MTX2: variants seen among roughly 807,000 people sequenced by gnomAD.
The protein encoded by MTX2 is metaxin 2, also known as metaxin-2.
A neutral mutation model predicts 42.3 loss-of-function variants in MTX2; 35 were observed. The observed-to-expected ratio is 0.83, with a 90% CI of 0.63 to 1.10. MTX2 has a LOEUF of 1.10. MTX2 is among the 50% of genes least tolerant of loss of function. MTX2 has a pLI of 0.00. For missense variants in MTX2, 307 were observed against 304.1 expected (o/e 1.01, Z -0.07); for synonymous variants, 119 against 100.9 (o/e 1.18, Z -1.08).
At chr2:176,274,570 A>G (rs974595306) in intron 1 of MTX2, among the ~76,000 whole-genome samples, 1 of 152,148 alleles carries the variant, frequency 6.6e-6, no homozygotes, top group Non-Finnish European at 1.5e-5. Context: ...ACATGCATGT[A>G]TGTGCATACA....
At chr2:176,304,336 A>G (rs1371421484) in intron 3 of MTX2, 2 of 154,192 alleles carry the variant, frequency 1.3e-5, no homozygotes, top group Non-Finnish European at 2.9e-5. Flanking sequence ...TGGAAAATGA[A>G]CCTGGCTTTG....
chr2:176,312,563 C>G (rs1684340188), intron 3 of MTX2, among the ~76,000 whole-genome samples: 1 of 151,952 alleles, frequency 6.6e-6, no homozygotes, highest in South Asian at 2.1e-4. Context: ...ATTCACTATT[C>G]TTTTGAAAAG....
chr2:176,296,316 A>G (rs938388784), intron 1 of MTX2, among the ~76,000 whole-genome samples: 1 of 152,184 alleles, frequency 6.6e-6, no homozygotes, highest in African/African-American at 2.4e-5. Flanking sequence ...CTGGAATACA[A>G]CAGGATTCCT....
At position 176,327,424 on chromosome 2, in the gene MTX2, G is replaced by A. The variant is rs146978668; in HGVS notation, c.285+523G>A. Among the ~76,000 whole-genome samples the A allele has an allele frequency of 6.3e-3, 954 of 150,934 alleles. 12 individuals are homozygous for A. Among genetic ancestry groups the A allele is most frequent in the African/African-American group, 0.022 (896 of 41,364 alleles). On this transcript the variant is annotated intron_variant, in intron 5 of 9. Coordinates refer to ENST00000249442, the MANE Select transcript of MTX2 (RefSeq NM_006554.5). Reference sequence around the variant, plus strand: ...ATATAGAAAAACCTAGATCATACTAGTGTGTATTATTTTGCAACATACCTT... The same window carrying A: ...ATATAGAAAAACCTAGATCATACTAATGTGTATTATTTTGCAACATACCTT...
chr2:176,296,515 T>A (rs1243121223), intron 1 of MTX2, among the ~76,000 whole-genome samples: 1 of 152,172 alleles, frequency 6.6e-6, no homozygotes, highest in Non-Finnish European at 1.5e-5. Context: ...TACATATGAG[T>A]AATATTTAGG....
At chr2:176,321,790 C>G (rs528038829) in intron 3 of MTX2, among the ~76,000 whole-genome samples, 1 of 152,150 alleles carries the variant, frequency 6.6e-6, no homozygotes, top group Admixed American at 6.6e-5. Flanking sequence ...TTTTAGGCAG[C>G]CTTGTGTGCA....
intron 3 of MTX2, chr2:176,304,322 G>A (rs569698480): frequency 6.5e-6 from 1 of 154,318 alleles, no homozygotes; most frequent in East Asian, 1.9e-4. Flanking sequence ...GAAATAGATT[G>A]GTTTGGAAAA....
chr2:176,323,631 G>A (rs1465172636), intron 4 of MTX2, among the ~76,000 whole-genome samples, 167 bp downstream of exon 4: 3 of 151,644 alleles, frequency 2.0e-5, no homozygotes, highest in Non-Finnish European at 4.4e-5. Context: ...CAATCTTGGG[G>A]TTGGCATATC....
chr2:176,277,844 A>C (rs1692983737), intron 1 of MTX2, among the ~76,000 whole-genome samples: 1 of 152,050 alleles, frequency 6.6e-6, no homozygotes, highest in Non-Finnish European at 1.5e-5. Flanking sequence ...TAAAAAAAAA[A>C]CATATTAGTC....
At chr2:176,302,321 A>G (rs1684044773) in intron 3 of MTX2, among the ~76,000 whole-genome samples, 2 of 152,156 alleles carry the variant, frequency 1.3e-5, no homozygotes, top group Non-Finnish European at 1.5e-5. Context: ...TAATATTTTT[A>G]CTTTTTCTTA....
chr2:176,276,716 T>G (rs566582983), intron 1 of MTX2, among the ~76,000 whole-genome samples: 1 of 152,266 alleles, frequency 6.6e-6, no homozygotes, highest in Non-Finnish European at 1.5e-5. Flanking sequence ...GGATATTAAC[T>G]CTTAACATGT....
intron 1 of MTX2, among the ~76,000 whole-genome samples, chr2:176,290,765 T>TC (rs1447574162): frequency 4.6e-5 from 7 of 151,614 alleles, no homozygotes; most frequent in South Asian, 2.1e-4. Context: ...TTTTTTTTTT[T>TC]CCTCTCATGT....
chr2:176,270,225 C>T (rs1213450494), intron 1 of MTX2: 2 of 413,406 alleles, frequency 4.8e-6, no homozygotes, highest in African/African-American at 4.2e-5. Flanking sequence ...GGCTGGAGTG[C>T]AGTGGCACAA....
intron 3 of MTX2, among the ~76,000 whole-genome samples, chr2:176,322,258 G>A (rs1465093275): frequency 6.6e-6 from 1 of 152,092 alleles, no homozygotes; most frequent in African/African-American, 2.4e-5. Flanking sequence ...ACACTTAAGA[G>A]TCTTAACACT....
chr2:176,280,434 T>A (rs1466948096), intron 1 of MTX2, among the ~76,000 whole-genome samples: 1 of 152,224 alleles, frequency 6.6e-6, no homozygotes, highest in South Asian at 2.1e-4. Flanking sequence ...CAAGTTACTT[T>A]TGCAGTGTAA....
At chr2:176,273,648 C>T (rs770511508) in intron 1 of MTX2, among the ~76,000 whole-genome samples, 2 of 152,138 alleles carry the variant, frequency 1.3e-5, no homozygotes, top group East Asian at 1.9e-4. Context: ...TCTCTGAACT[C>T]CCCAGTTTAA....
intron 1 of MTX2, among the ~76,000 whole-genome samples, chr2:176,278,041 G>GT (rs59379339): frequency 0.057 from 4,820 of 84,842 alleles, 897 homozygotes; most frequent in African/African-American, 0.095. Context: ...GTTGAAACTG[G>GT]TTTTTTTTTT....
chr2:176,310,227 A>G (rs1187579272), intron 3 of MTX2, among the ~76,000 whole-genome samples: 1 of 150,824 alleles, frequency 6.6e-6, no homozygotes, highest in Non-Finnish European at 1.5e-5. Context: ...AATGTTGAAT[A>G]TTGGCCCCCA....
At chr2:176,295,839 T>C (rs1683858937) in intron 1 of MTX2, among the ~76,000 whole-genome samples, 1 of 152,180 alleles carries the variant, frequency 6.6e-6, no homozygotes, top group Admixed American at 6.5e-5. Flanking sequence ...GAATTATATA[T>C]TAAAGTTATT....
Sources: allele counts gnomAD v4.1 joint callset (sites outside exome capture counted in the v4.1 genomes callset), GRCh38; gene constraint gnomAD v4.1.1; transcripts MANE v1.5; gene names NCBI Gene and HGNC (gene_info 2026-07-23, HGNC 2026-07-21).